The following TRIM59 variants were observed in gnomAD, a reference collection of about 807,000 sequenced individuals.
TRIM59 encodes tripartite motif containing 59.
In TRIM59, 14 loss-of-function variants were observed where a neutral mutation model predicts 32.2. That is an observed-to-expected ratio of 0.43 (90% confidence interval 0.29 to 0.68). The LOEUF (loss-of-function observed/expected upper bound fraction) is 0.68. TRIM59 is among the 30% of genes least tolerant of loss of function. TRIM59 has a pLI of 0.15. For missense variants in TRIM59, 471 were observed against 463.3 expected, an observed-to-expected ratio of 1.02 and a Z score of -0.15; for synonymous variants, 163 against 155.1, an observed-to-expected ratio of 1.05 and a Z score of -0.38.
At chr3:160,439,316 A>G (rs1211601814) in intron 2 of TRIM59, 130 bp from the exon 3 acceptor site, 1 of 743,790 alleles carries the variant, frequency 1.3e-6, no homozygotes, top group Non-Finnish European at 1.9e-6. Context: ...TATTTTTAAA[A>G]TGAAGTTTTC....
At chr3:160,442,456 C>G (rs1452108083) in intron 2 of TRIM59, among the ~76,000 whole-genome samples, 1 of 151,826 alleles carries the variant, frequency 6.6e-6, no homozygotes, top group East Asian at 1.9e-4. Flanking sequence ...GTGGCGCACA[C>G]CTGTAATCCC....
Position 160,439,085 on chromosome 3 carries a change from A to T in TRIM59, c.99T>A (p.Cys33Ter). 1 of 1,554,660 alleles carries T rather than the reference A, an allele frequency of 6.4e-7. No individual in the cohort carries two copies. Among genetic ancestry groups the T allele is most frequent in the Non-Finnish European group, 8.7e-7 (1 of 1,152,620 alleles). Residue 33 changes from cysteine to a stop codon, truncating the protein, a stop_gained, in exon 3 of 3, where the codon TGT becomes TGA. Coordinates refer to ENST00000309784, the MANE Select transcript of TRIM59 (RefSeq NM_173084.3). LOFTEE classifies it high-confidence loss of function. ...CAGATGCCTGAAGAATGTTTTCCAA[A>T]CAATTTCTACAAAATGTATGAGAGC... ...LPCSHTFCRN[C>*]LENILQASGN...
Position 160,448,666 on chromosome 3 carries a change from C to A in TRIM59, c.-4+60G>T, listed in dbSNP as rs541070019. 4.2e-4 allele frequency: 423 copies of A among 1,005,020 alleles called. 1 individual carries two copies. The highest frequency in any genetic ancestry group is 7.0e-4 in the South Asian group (51 of 72,724). The allele number at this position is 1,005,020 out of a possible 1,614,324, so 62.3% of individuals were successfully genotyped here. A position where few individuals can be genotyped will look rare whatever the true frequency, so the allele number is the denominator to read the frequency against. Reference sequence around the variant, plus strand: ...CTAAATTTCACTTTGTAGTTTAAATCATACACTCTGTAAAAACTTAATTGT... The same window carrying A: ...CTAAATTTCACTTTGTAGTTTAAATAATACACTCTGTAAAAACTTAATTGT... On this transcript the variant is annotated intron_variant, in intron 2 of 2. Coordinates refer to ENST00000309784, the MANE Select transcript of TRIM59 (RefSeq NM_173084.3).
In TRIM59 at chr3:160,438,715, AGT is replaced by A. The variant is rs1340194493; in HGVS notation, c.467_468del (p.His156LeufsTer9). Reference protein sequence around the residue: ...QKLLEQLTDTHWTDLTHLIEK... With the variant: ...QKLLEQLTDTXWTDLTHLIEK... ...TCAATAAGATGGGTAAGATCTGTCC[AGT>A]GTGTGTCAGTCAACTGTTCAAGCAG... On this transcript the variant is annotated frameshift_variant, in exon 3 of 3. Coordinates refer to ENST00000309784, the MANE Select transcript of TRIM59 (RefSeq NM_173084.3). LOFTEE classifies it high-confidence loss of function. 1.2e-6 allele frequency: 2 copies of A among 1,613,994 alleles called. No homozygotes were observed. Among genetic ancestry groups the A allele is most frequent in the Admixed American group, 1.7e-5 (1 of 60,014 alleles).
chr3:160,444,252 TATAAA>T (rs1251568158), intron 2 of TRIM59, among the ~76,000 whole-genome samples: 1 of 152,012 alleles, frequency 6.6e-6, no homozygotes, highest in Non-Finnish European at 1.5e-5. Context: ...TATCTAGAAA[TATAAA>T]AGAAAATACC....
In TRIM59 at chr3:160,437,358, A is replaced by T. The variant is rs533650866; in HGVS notation, c.*614T>A. ...AACAAGGTGAGACCCAGTCTCAAAA[A>T]TTTCTTTTAAAAAGCCACTTTACTC... is the stretch of plus-strand genomic sequence containing the variant. On this transcript the variant is annotated 3_prime_UTR_variant, in exon 3 of 3. Coordinates refer to ENST00000309784, the MANE Select transcript of TRIM59 (RefSeq NM_173084.3). 1.0e-6 allele frequency: 1 copy of T among 984,454 alleles called. No individual in the cohort carries two copies. Among genetic ancestry groups the T allele is most frequent in the Admixed American group, 6.1e-5 (1 of 16,272 alleles). 61.0% of individuals were successfully genotyped at this position (984,454 alleles called of 1,614,324 possible).
chr3:160,435,878 T>TA lies in TRIM59; in HGVS notation c.*2093_*2094insT. On this transcript the variant is annotated 3_prime_UTR_variant, in exon 3 of 3. Transcript: ENST00000309784. ...GCTATATGGCCTTGGACAAGTCACTTGTCAGTTCCCTCATCTACAAAAAGG... is the reference window on the plus strand; with the variant it reads ...GCTATATGGCCTTGGACAAGTCACTTAGTCAGTTCCCTCATCTACAAAAAGG... 1.8e-6 allele frequency: 2 copies of TA among 1,130,720 alleles called. No individual in the cohort carries two copies. The highest frequency in any genetic ancestry group is 2.4e-6 in the Non-Finnish European group (2 of 844,268). The allele number at this position is 1,130,720 out of a possible 1,614,324, so 70.0% of individuals were successfully genotyped here. A position where few individuals can be genotyped will look rare whatever the true frequency, so the allele number is the denominator to read the frequency against.
Position 160,448,862 on chromosome 3 carries a change from T to A in TRIM59, c.-73-67A>T, listed in dbSNP as rs889624286. 1.2e-5 allele frequency: 10 copies of A among 851,932 alleles called. No individual in the cohort carries two copies. The Admixed American group carries it at 3.3e-4, about 28-fold the overall frequency. The allele number at this position is 851,932 out of a possible 1,614,324, so 52.8% of individuals were successfully genotyped here. A position where few individuals can be genotyped will look rare whatever the true frequency, so the allele number is the denominator to read the frequency against. Reference sequence around the variant, plus strand: ...TGTCTCATGTCATAAAAATGGTTGTTAGTTCACTGTCTTTGATATTTATCT... The same window carrying A: ...TGTCTCATGTCATAAAAATGGTTGTAAGTTCACTGTCTTTGATATTTATCT... On this transcript the variant is annotated intron_variant, in intron 1 of 2. Transcript: ENST00000309784.
At chr3:160,441,005 A>C (rs1296073600) in intron 2 of TRIM59, among the ~76,000 whole-genome samples, 1 of 152,252 alleles carries the variant, frequency 6.6e-6, no homozygotes, top group Non-Finnish European at 1.5e-5. Context: ...AATCTGTGAA[A>C]ACAGCAACTA....
At position 160,438,148 on chromosome 3, in the gene TRIM59, G is replaced by C. The variant is rs764138572; in HGVS notation, c.1036C>G (p.Leu346Val). 6 of 1,611,766 alleles carry C rather than the reference G, an allele frequency of 3.7e-6. No homozygotes were observed. Among genetic ancestry groups the C allele is most frequent in the Non-Finnish European group, 5.1e-6 (6 of 1,179,266 alleles). ...GTTATGATGTGTTGGTTGAAAAAGA[G>C]TATCGACATCAGTATTACTGAAATT... ...TLISVILMSI[L>V]FFNQHIITFL... is the part of the protein sequence containing the mutation. The change falls in exon 3 of 3, where the codon CTC becomes GTC. Residue 346 changes from leucine to valine, a missense_variant. Leu to Val is a conservative substitution (Grantham distance 32). Transcript: ENST00000309784.
chr3:160,438,084 G>T lies in TRIM59; in HGVS notation c.1100C>A (p.Ala367Asp), dbSNP rs770589628. 1 of 1,612,306 alleles carries T rather than the reference G, an allele frequency of 6.2e-7. No homozygotes were observed. The highest frequency in any genetic ancestry group is 8.5e-7 in the Non-Finnish European group (1 of 1,179,488). The change falls in exon 3 of 3, where the codon GCC (alanine) becomes GAC (aspartate). Residue 367 changes from alanine (A) to aspartate (D), a missense_variant. By Grantham distance (126) the Ala-to-Asp change is moderately radical. Transcript: ENST00000309784. ...SEITLIWFSE[A>D]SLSVYQSLSN... is the part of the protein sequence containing the mutation. Reference sequence around the variant, plus strand: ...TAAACTTTGGTAAACAGATAGAGAGGCTTCAGAAAACCATATTAAAGTGAT... The same window carrying T: ...TAAACTTTGGTAAACAGATAGAGAGTCTTCAGAAAACCATATTAAAGTGAT...
At position 160,438,914 on chromosome 3, in the gene TRIM59, G is replaced by C. The variant is rs1719108802; in HGVS notation, c.270C>G (p.Asp90Glu). 1.9e-6 allele frequency: 3 copies of C among 1,613,944 alleles called. No homozygotes were observed. In the Admixed American group the frequency reaches 5.0e-5, roughly 27 times the overall value. ...CAGGGCAGGTGACAATATCTGGATG[G>C]TCTTCTTGCTGGTACTTTTCAATAA... ...RAIIEKYQQE[D>E]HPDIVTCPEH... The change falls in exon 3 of 3, where the codon GAC becomes GAG. Residue 90 changes from aspartate to glutamate, a missense_variant. Asp to Glu is a conservative substitution (Grantham distance 45, BLOSUM62 2). Transcript: ENST00000309784.
Position 160,448,786 on chromosome 3 carries a change from T to C in TRIM59, c.-64A>G, listed in dbSNP as rs1225646193. ...CTTCTCCAACTCCTCCAGAATCTTTTATTCTTATTCTAAAATTAAAATAAT... is the reference window on the plus strand; with the variant it reads ...CTTCTCCAACTCCTCCAGAATCTTTCATTCTTATTCTAAAATTAAAATAAT... On this transcript the variant is annotated 5_prime_UTR_variant, in exon 2 of 3. The change creates a new upstream start codon in the 5' untranslated region. Transcript: ENST00000309784. The C allele has an allele frequency of 7.9e-7, 1 of 1,261,014 alleles. No individual in the cohort carries two copies. The highest frequency in any genetic ancestry group is 5.7e-5 in the East Asian group (1 of 17,688). 78.1% of individuals were successfully genotyped at this position (1,261,014 alleles called of 1,614,324 possible). A position where few individuals can be genotyped will look rare whatever the true frequency, so the allele number is the denominator to read the frequency against.
rs753949239 is a variant in TRIM59, at chr3:160,438,010, A to G, written c.1174T>C (p.Leu392=). The change falls in exon 3 of 3, where the codon TTG becomes CTG. Residue 392 remains leucine (L), a synonymous_variant. Transcript: ENST00000309784. ...ATTTTCCACACAAATTCCTTCAACA[A>G]ATAGAAAATGTGACACAGTATATTC... ...VKNILCHIFY[L]LKEFVWKIVS... is the part of the protein sequence containing the mutation. 21 of 1,561,174 alleles carry G rather than the reference A, an allele frequency of 1.3e-5. No individual in the cohort carries two copies. In the South Asian group the frequency reaches 2.6e-4, roughly 19 times the overall value.
At position 160,449,768 on chromosome 3, in the gene TRIM59, C is replaced by A. The variant is rs908331658; in HGVS notation, c.-125G>T. On this transcript the variant is annotated 5_prime_UTR_variant, in exon 1 of 3. Transcript: ENST00000309784. ...TCCACAGCACGGAAACACAGCGCCA[C>A]GAGCTCCAGGCGGATGCTGAGAGCC... 8.6e-6 allele frequency: 11 copies of A among 1,280,044 alleles called. No individual in the cohort carries two copies. In the Admixed American group the frequency reaches 1.8e-4, roughly 21 times the overall value. 79.3% of individuals were successfully genotyped at this position (1,280,044 alleles called of 1,614,324 possible).
chr3:160,442,943 C>T (rs1366021436), intron 2 of TRIM59, among the ~76,000 whole-genome samples: 1 of 152,046 alleles, frequency 6.6e-6, no homozygotes, highest in African/African-American at 2.4e-5. Context: ...CACCAAGAGA[C>T]CCCCATTCTC....
chr3:160,437,477 C>G lies in TRIM59; in HGVS notation c.*495G>C. On this transcript the variant is annotated 3_prime_UTR_variant, in exon 3 of 3. Transcript: ENST00000309784. The stretch of plus-strand genomic sequence containing the variant: ...TATCTCAAACACAGGTATGTTTGAT[C>G]AAAAGATCTTTAAGCCATGCCTTAT... The G allele has an allele frequency of 1.0e-6, 1 of 985,360 alleles. No homozygotes were observed. The highest frequency in any genetic ancestry group is 1.2e-6 in the Non-Finnish European group (1 of 829,886). 61.0% of individuals were successfully genotyped at this position (985,360 alleles called of 1,614,324 possible). A position where few individuals can be genotyped will look rare whatever the true frequency, so the allele number is the denominator to read the frequency against.
rs764793259 is a variant in TRIM59, at chr3:160,438,423, A to G, written c.761T>C (p.Val254Ala). 5 of 1,613,902 alleles carry G rather than the reference A, an allele frequency of 3.1e-6. No individual in the cohort carries two copies. Among genetic ancestry groups the G allele is most frequent in the Admixed American group, 1.7e-5 (1 of 59,990 alleles). ...EESPLKFLEK[V>A]DDVRQHVQIL... Reference sequence around the variant, plus strand: ...CTGTACATGCTGGCGTACATCATCAACTTTTTCAAGAAATTTAAGTGGAGA... The same window carrying G: ...CTGTACATGCTGGCGTACATCATCAGCTTTTTCAAGAAATTTAAGTGGAGA... The change falls in exon 3 of 3, where the codon GTT (valine) becomes GCT (alanine). Residue 254 changes from valine to alanine, a missense_variant. Transcript: ENST00000309784.
chr3:160,439,717 G>A (rs1253673148), intron 2 of TRIM59, among the ~76,000 whole-genome samples: 2 of 152,128 alleles, frequency 1.3e-5, no homozygotes, highest in Non-Finnish European at 2.9e-5. Context: ...TGCCATGATT[G>A]TGAGGTCTCC....
Sources: allele counts gnomAD v4.1 joint callset (sites outside exome capture counted in the v4.1 genomes callset), GRCh38; gene constraint gnomAD v4.1.1; transcripts MANE v1.5; gene names NCBI Gene and HGNC (gene_info 2026-07-23, HGNC 2026-07-21).